AHI1: variants seen among roughly 807,000 people sequenced by gnomAD.
AHI1 encodes jouberin.
In AHI1, 123 loss-of-function variants were observed where a neutral mutation model predicts 149.3. The ratio of observed to expected loss-of-function variants is 0.82; its 90% CI spans 0.71 to 0.96. The LOEUF is 0.96. Among genes scored for constraint, AHI1 ranks in the 40% least tolerant of loss-of-function variants. AHI1 has a pLI of 0.00. For missense variants in AHI1, 1,439 were observed against 1,422.7 expected, an observed-to-expected ratio of 1.01 and a Z score of -0.18; for synonymous variants, 475 against 459.8, an observed-to-expected ratio of 1.03 and a Z score of -0.42.
chr6:135,320,568 G>C (rs576305984), intron 25 of AHI1, among the ~76,000 whole-genome samples: 21 of 152,324 alleles, frequency 1.4e-4, no homozygotes, highest in African/African-American at 5.1e-4. Context: ...TGGGATTACA[G>C]GTATGAGCTG....
chr6:135,492,215 A>G lies in AHI1; in HGVS notation c.10+13T>C, dbSNP rs973391845. On this transcript the variant is annotated intron_variant, in intron 4 of 28. Coordinates refer to ENST00000265602, the MANE Select transcript of AHI1 (RefSeq NM_001134831.2). ...AATATAAATTTTATACATAAATTTC[A>G]TAGAAGTCTTACCTGTAGGCATCTC... 6.6e-6 allele frequency: 10 copies of G among 1,512,118 alleles called. No individual in the cohort carries two copies. The African/African-American group carries it at 1.4e-4, about 21-fold the overall frequency. The allele number at this position is 1,512,118 out of a possible 1,614,324, so 93.7% of individuals were successfully genotyped here. A position where few individuals can be genotyped will look rare whatever the true frequency, so the allele number is the denominator to read the frequency against.
chr6:135,487,242 T>C (rs986103796), intron 5 of AHI1, among the ~76,000 whole-genome samples: 3 of 152,142 alleles, frequency 2.0e-5, no homozygotes, highest in Admixed American at 6.5e-5. Context: ...TAATAATCTA[T>C]TTTATATATA....
Position 135,497,733 on chromosome 6 carries a change from G to A in AHI1, c.-352C>T, listed in dbSNP as rs569590850. ...GACCCGTGTCCTGAAAGCAAGCCGC[G>A]GCTCTGTGCCGCAGTGCGGACAGCG... On this transcript the variant is annotated 5_prime_UTR_variant, in exon 1 of 29. Coordinates refer to ENST00000265602, the MANE Select transcript of AHI1 (RefSeq NM_001134831.2). 5.7e-6 allele frequency: 1 copy of A among 173,952 alleles called. No individual in the cohort carries two copies. The highest frequency in any genetic ancestry group is 7.7e-5 in the South Asian group (1 of 12,976). 10.8% of individuals were successfully genotyped at this position (173,952 alleles called of 1,614,324 possible). A position where few individuals can be genotyped will look rare whatever the true frequency, so the allele number is the denominator to read the frequency against.
At chr6:135,492,712 C>G in intron 3 of AHI1, 2 of 985,342 alleles carry the variant, frequency 2.0e-6, no homozygotes, top group Non-Finnish European at 2.4e-6. Flanking sequence ...GTAGCACACT[C>G]ACAGTGAATT....
chr6:135,357,441 C>A (rs562926939), intron 24 of AHI1, among the ~76,000 whole-genome samples: 7 of 152,216 alleles, frequency 4.6e-5, no homozygotes, highest in African/African-American at 1.7e-4. Context: ...GACCAAAATC[C>A]AAAACACTTC....
intron 2 of AHI1, 88 bp from the exon 3 acceptor site, chr6:135,495,986 A>G (rs891350235): frequency 6.6e-6 from 1 of 152,254 alleles, no homozygotes; most frequent in Non-Finnish European, 1.5e-5. Flanking sequence ...TGTATTAAAA[A>G]TAAGTAAATA....
At position 135,466,208 on chromosome 6, in the gene AHI1, C is replaced by T. The variant is rs745664509; in HGVS notation, c.355G>A (p.Glu119Lys). ...ENPNGDASVE[E>K]DKQGKPNKKV... ...TTATTTGGCTTTCCTTGTTTGTCTTCCTCTACACTAGCATCACCATTAGGA... is the reference window on the plus strand; with the variant it reads ...TTATTTGGCTTTCCTTGTTTGTCTTTCTCTACACTAGCATCACCATTAGGA... The change falls in exon 7 of 29, where the codon GAA (glutamate) becomes AAA (lysine). Residue 119 changes from glutamate to lysine, a missense_variant. Transcript: ENST00000265602. The T allele has an allele frequency of 6.2e-7, 1 of 1,613,894 alleles. No homozygotes were observed. The highest frequency in any genetic ancestry group is 1.1e-5 in the South Asian group (1 of 91,072).
Position 135,441,568 on chromosome 6 carries a change from A to G in AHI1, c.1912+1014T>C, listed in dbSNP as rs185007393. ...CTCCTCTATTTTTGAGATTTAAGCA[A>G]TATCTCAATCTACATAGCATTTTAA... On this transcript the variant is annotated intron_variant, in intron 14 of 28. Coordinates refer to ENST00000265602, the MANE Select transcript of AHI1 (RefSeq NM_001134831.2). 9.6e-3 allele frequency among the ~76,000 whole-genome samples: 1,462 copies of G among 152,314 alleles called. 21 individuals are homozygous for G. Among genetic ancestry groups the G allele is most frequent in the African/African-American group, 0.033 (1,368 of 41,560 alleles).
chr6:135,388,153 C>T (rs1209745914), intron 23 of AHI1: 10 of 1,077,084 alleles, frequency 9.3e-6, no homozygotes, highest in Non-Finnish European at 1.2e-5. Flanking sequence ...TTGTAGATTA[C>T]CTATTAATCT....
At chr6:135,413,628 A>G (rs916746231) in intron 20 of AHI1, among the ~76,000 whole-genome samples, 9 of 152,086 alleles carry the variant, frequency 5.9e-5, no homozygotes, top group Non-Finnish European at 8.8e-5. Context: ...AATGGAATCT[A>G]AAAAAATAAG....
Position 135,323,320 on chromosome 6 carries a change from A to T in AHI1, c.3170T>A (p.Val1057Glu). 6.2e-7 allele frequency: 1 copy of T among 1,613,326 alleles called. No individual in the cohort carries two copies. The highest frequency in any genetic ancestry group is 1.1e-5 in the South Asian group (1 of 90,828). The change falls in exon 25 of 29, where the codon GTG (valine) becomes GAG (glutamate). Residue 1057 changes from valine to glutamate, a missense_variant. By Grantham distance (121) the Val-to-Glu change is moderately radical (BLOSUM62 -2). Coordinates refer to ENST00000265602, the MANE Select transcript of AHI1 (RefSeq NM_001134831.2). ...NHQVDTAPTVVALYDYTANRS... is the reference protein window; with the variant it reads ...NHQVDTAPTVEALYDYTANRS... ...ATTCGCTGTGTAGTCATAAAGAGCC[A>T]CTACCTAAGAGAGAGATAAGACCAC...
intron 10 of AHI1, among the ~76,000 whole-genome samples, chr6:135,454,846 C>A (rs1788671426): frequency 6.6e-6 from 1 of 152,126 alleles, no homozygotes. Flanking sequence ...GTAAATCACA[C>A]ACAACATAAT....
At chr6:135,409,933 A>C (rs1292045944) in intron 21 of AHI1, among the ~76,000 whole-genome samples, 2 of 152,150 alleles carry the variant, frequency 1.3e-5, no homozygotes, top group Non-Finnish European at 2.9e-5. Context: ...CTATATGCAC[A>C]ATCTATCTCA....
chr6:135,444,224 T>A lies in AHI1; in HGVS notation c.1780-1510A>T, dbSNP rs1272608452. Among the ~76,000 whole-genome samples, 3 of 152,206 alleles carry A rather than the reference T, an allele frequency of 2.0e-5. No homozygotes were observed. The East Asian group carries it at 5.8e-4, about 29-fold the overall frequency. ...CAATGACTGCCATCTAATTCTGATG[T>A]TACTACTTCAAGATCTCCCCATGCC... On this transcript the variant is annotated intron_variant, in intron 13 of 28. Coordinates refer to ENST00000265602, the MANE Select transcript of AHI1 (RefSeq NM_001134831.2).
chr6:135,364,290 G>C (rs1237946962), intron 23 of AHI1, among the ~76,000 whole-genome samples: 1 of 150,618 alleles, frequency 6.6e-6, no homozygotes, highest in Non-Finnish European at 1.5e-5. Context: ...CATCTCAGAC[G>C]ATGGGCGGCC....
chr6:135,372,450 T>A (rs943430411), intron 23 of AHI1, among the ~76,000 whole-genome samples: 6 of 151,838 alleles, frequency 4.0e-5, no homozygotes, highest in Middle Eastern at 3.4e-3. Flanking sequence ...GGCAGAATTG[T>A]TTAAGCCCGG....
chr6:135,300,515 G>A lies in AHI1; in HGVS notation c.3470C>T (p.Ser1157Leu). Residue 1157 changes from serine to leucine, a missense_variant, in exon 27 of 29, where the codon TCA (serine) becomes TTA (leucine). Transcript: ENST00000265602. ...AGTTGCTTACTGTGTCATAGATTCTGAGCCTAGTCTGAAGTCCTGGGACTT... is the reference window on the plus strand; with the variant it reads ...AGTTGCTTACTGTGTCATAGATTCTAAGCCTAGTCTGAAGTCCTGGGACTT... ...KNKSQDFRLG[S>L]ESMTHSEMRK... 6.2e-7 allele frequency: 1 copy of A among 1,608,662 alleles called. No individual in the cohort carries two copies. Among genetic ancestry groups the A allele is most frequent in the Non-Finnish European group, 8.5e-7 (1 of 1,177,452 alleles).
rs1340772745 is a variant in AHI1, at chr6:135,448,355, A to T, written c.1561T>A (p.Cys521Ser). ...GTTGATGGGTAATGATTTCTTGGAC[A>T]TTTTGACCACCATTCAAATGCCTCA... ...VVEAFEWWSK[C>S]PRNHYPSTLY... is the part of the protein sequence containing the mutation. Residue 521 changes from cysteine (C) to serine (S), a missense_variant, in exon 12 of 29, where the codon TGT becomes AGT. Coordinates refer to ENST00000265602, the MANE Select transcript of AHI1 (RefSeq NM_001134831.2). The T allele has an allele frequency of 6.2e-7, 1 of 1,611,408 alleles. No homozygotes were observed. Among genetic ancestry groups the T allele is most frequent in the Non-Finnish European group, 8.5e-7 (1 of 1,178,266 alleles).
chr6:135,425,722 C>G (rs1297476266), intron 20 of AHI1, among the ~76,000 whole-genome samples: 1 of 151,752 alleles, frequency 6.6e-6, no homozygotes, highest in Non-Finnish European at 1.5e-5. Context: ...TTTTTTTAGA[C>G]TCCTAAAATG....
Sources: gnomAD v4.1 joint callset for allele counts (sites outside exome capture counted in the v4.1 genomes callset) on GRCh38, gnomAD v4.1.1 for gene constraint, MANE v1.5 for transcripts, NCBI Gene and HGNC (gene_info 2026-07-23, HGNC 2026-07-21) for gene names.